RBFOX2: variants seen among roughly 807,000 people sequenced by gnomAD.
RBFOX2 encodes the protein RNA binding protein fox-1 homolog 2.
RBFOX2 carries 10 observed loss-of-function variants against 49.1 expected under a neutral mutation model. That is an observed-to-expected ratio of 0.20 (90% CI 0.13 to 0.35). The LOEUF is 0.35. RBFOX2 is among the 10% of genes least tolerant of loss of function. RBFOX2 has a pLI of 1.00. For synonymous variants in RBFOX2, 183 were observed against 187.4 expected, an observed-to-expected ratio of 0.98 and a Z score of 0.19; for missense variants, 323 against 486.9, an observed-to-expected ratio of 0.66 and a Z score of 3.17.
intron 1 of RBFOX2, among the ~76,000 whole-genome samples, chr22:35,954,077 G>GT (rs1023189845): frequency 5.3e-5 from 8 of 151,978 alleles, no homozygotes; most frequent in African/African-American, 7.2e-5. Context: ...CAATATATAT[G>GT]TTTTTTTATG....
chr22:35,803,416 C>T (rs1291583126), intron 2 of RBFOX2, among the ~76,000 whole-genome samples: 1 of 152,156 alleles, frequency 6.6e-6, no homozygotes, highest in African/African-American at 2.4e-5. Context: ...TGTCTCACAC[C>T]TGTAATCCCA....
At chr22:35,988,554 A>G (rs1236777232) in intron 1 of RBFOX2, among the ~76,000 whole-genome samples, 1 of 152,188 alleles carries the variant, frequency 6.6e-6, no homozygotes, top group East Asian at 1.9e-4. Context: ...CAATAAACCG[A>G]GATCTCAAAG....
At chr22:35,902,200 C>G (rs988637496) in intron 1 of RBFOX2, among the ~76,000 whole-genome samples, 2 of 152,186 alleles carry the variant, frequency 1.3e-5, no homozygotes, top group Non-Finnish European at 2.9e-5. Flanking sequence ...TATCCCCTCC[C>G]TACAATTTTT....
chr22:35,994,939 G>C (rs2058128427), intron 1 of RBFOX2: 1 of 152,086 alleles, frequency 6.6e-6, no homozygotes, highest in Admixed American at 6.6e-5. Context: ...CATGAGTGTA[G>C]AGCCCAGGGA....
intron 1 of RBFOX2, among the ~76,000 whole-genome samples, chr22:35,970,077 T>TA (rs1384726934): frequency 6.6e-6 from 1 of 152,194 alleles, no homozygotes; most frequent in Non-Finnish European, 1.5e-5. Context: ...TGGGGGATTT[T>TA]AAAAAATCAC....
chr22:35,785,710 G>C (rs1362721926), intron 2 of RBFOX2, among the ~76,000 whole-genome samples: 2 of 152,212 alleles, frequency 1.3e-5, no homozygotes, highest in Non-Finnish European at 2.9e-5. Context: ...CTTGCAGATG[G>C]CTTAAATGTG....
At chr22:35,752,377 G>A (rs1935279735) in intron 9 of RBFOX2, among the ~76,000 whole-genome samples, 1 of 152,152 alleles carries the variant, frequency 6.6e-6, no homozygotes, top group South Asian at 2.1e-4. Context: ...CACCTGGCTG[G>A]GATATGTGTC....
chr22:35,795,672 T>G (rs1243670246), intron 2 of RBFOX2, among the ~76,000 whole-genome samples: 2 of 137,452 alleles, frequency 1.5e-5, no homozygotes, highest in African/African-American at 2.7e-5. Context: ...AGCATAATGG[T>G]CAACAGGGGC....
intron 1 of RBFOX2, among the ~76,000 whole-genome samples, chr22:35,969,030 T>C (rs539068223): frequency 1.3e-5 from 2 of 152,270 alleles, no homozygotes; most frequent in African/African-American, 2.4e-5. Flanking sequence ...TGGGTGCCTC[T>C]TGCACACAGC....
chr22:35,772,884 T>C (rs1263908160), intron 4 of RBFOX2, among the ~76,000 whole-genome samples: 1 of 152,040 alleles, frequency 6.6e-6, no homozygotes, highest in Non-Finnish European at 1.5e-5. Context: ...AAAATTTGTA[T>C]AATTTTTGAA....
At chr22:35,739,425 G>A (rs1928704028) in exon 12 of RBFOX2, 1 of 152,396 alleles carries the variant, frequency 6.6e-6, no homozygotes, top group Non-Finnish European at 1.5e-5. Flanking sequence ...GTCAGCCCCA[G>A]GTTTGCTCCA....
intron 1 of RBFOX2, among the ~76,000 whole-genome samples, chr22:35,856,981 G>A (rs1050335004): frequency 6.6e-6 from 1 of 152,154 alleles, no homozygotes; most frequent in African/African-American, 2.4e-5. Flanking sequence ...GCAGTGAGCC[G>A]AGATTGCACC....
chr22:35,886,091 C>T (rs1013595183), intron 1 of RBFOX2, among the ~76,000 whole-genome samples: 18 of 151,820 alleles, frequency 1.2e-4, no homozygotes, highest in Admixed American at 2.6e-4. Flanking sequence ...CTCCTGACCT[C>T]GTGATCCGCC....
At chr22:35,840,789 C>T (rs1001903469), upstream of RBFOX2, among the ~76,000 whole-genome samples, 2 of 152,146 alleles carry the variant, frequency 1.3e-5, no homozygotes, top group Admixed American at 6.5e-5. Flanking sequence ...TAAGAGATTC[C>T]AGCCATGAAT....
At chr22:35,840,729 T>A (rs1958628861), upstream of RBFOX2, 3 of 552,452 alleles carry the variant, frequency 5.4e-6, no homozygotes, top group Admixed American at 1.1e-4. Flanking sequence ...TGGAATTAAT[T>A]ATATAGCACT....
At chr22:35,840,397 C>T (rs1958528455) in exon 1 of RBFOX2, 1 of 1,506,730 alleles carries the variant, frequency 6.6e-7, no homozygotes, top group African/African-American at 1.4e-5. Context: ...TTTTCTCTTC[C>T]TCTCTGGCAG....
At chr22:35,796,425 T>C (rs781449168) in intron 2 of RBFOX2, among the ~76,000 whole-genome samples, 2 of 152,238 alleles carry the variant, frequency 1.3e-5, no homozygotes, top group African/African-American at 4.8e-5. Context: ...TTTTAATGTA[T>C]GGATTTACTA....
At chr22:35,941,528 T>C (rs2053686191), upstream of RBFOX2, among the ~76,000 whole-genome samples, 2 of 152,192 alleles carry the variant, frequency 1.3e-5, no homozygotes, top group African/African-American at 4.8e-5. Context: ...CCCTGTTCTT[T>C]CCATTTTTCC....
intron 1 of RBFOX2, among the ~76,000 whole-genome samples, chr22:35,913,462 A>T (rs1470778960): frequency 2.0e-5 from 3 of 150,652 alleles, no homozygotes; most frequent in Non-Finnish European, 4.4e-5. Flanking sequence ...GGATATATAT[A>T]TCCTGTTATT....
Sources: gnomAD v4.1 joint callset for allele counts (sites outside exome capture counted in the v4.1 genomes callset) on GRCh38, gnomAD v4.1.1 for gene constraint, MANE v1.5 for transcripts, NCBI Gene and HGNC (gene_info 2026-07-23, HGNC 2026-07-21) for gene names.